The following ADAMTS3 variants were observed in gnomAD, a reference collection of about 807,000 sequenced individuals.
ADAMTS3 encodes the protein A disintegrin and metalloproteinase with thrombospondin motifs 3.
In ADAMTS3, 73 loss-of-function variants were observed where a neutral mutation model predicts 129.0. The ratio of observed to expected loss-of-function variants is 0.57; its 90% CI spans 0.47 to 0.69. The LOEUF (loss-of-function observed/expected upper bound fraction) is 0.69, where lower values mean the gene tolerates loss of function less well. Ranked by LOEUF, ADAMTS3 falls within the 30% of genes least tolerant of loss-of-function variation. The pLI, the probability that ADAMTS3 is intolerant of heterozygous loss-of-function variation, is 0.00. For synonymous variants in ADAMTS3, 477 were observed against 510.8 expected (o/e 0.93, Z 0.89); for missense variants, 1,457 against 1,514.5 (o/e 0.96, Z 0.63).
intron 3 of ADAMTS3, among the ~76,000 whole-genome samples, chr4:72,510,847 G>A (rs62320596): frequency 0.33 from 45,072 of 135,184 alleles, 8,202 homozygotes; most frequent in South Asian, 0.55. Flanking sequence ...AAAAAAAACT[G>A]GAGGAATCAC....
At chr4:72,292,325 A>G (rs986847453) in intron 19 of ADAMTS3, among the ~76,000 whole-genome samples, 2 of 152,168 alleles carry the variant, frequency 1.3e-5, no homozygotes, top group Non-Finnish European at 2.9e-5. Flanking sequence ...ATGTTTAAAT[A>G]TTTTAACTGA....
intron 3 of ADAMTS3, among the ~76,000 whole-genome samples, chr4:72,499,248 A>G (rs184446904): frequency 4.4e-4 from 67 of 152,322 alleles, no homozygotes; most frequent in African/African-American, 1.4e-3. Flanking sequence ...AAGTATAATA[A>G]GAATCTATGT....
In ADAMTS3 at chr4:72,548,732, T is replaced by C. The variant is rs764619342; in HGVS notation, c.250A>G (p.Ile84Val). The change falls in exon 3 of 22, where the codon ATC becomes GTC. Residue 84 changes from isoleucine (I) to valine (V), a missense_variant. Transcript: ENST00000286657. ...SSNPEQLFFN[I>V]TAFGKDFHLR... Reference sequence around the variant, plus strand: ...TGAAAATCTTTTCCAAATGCCGTGATGTTAAAGAACAACTGCTCAGGGTTG... The same window carrying C: ...TGAAAATCTTTTCCAAATGCCGTGACGTTAAAGAACAACTGCTCAGGGTTG... The C allele has an allele frequency of 2.5e-6, 4 of 1,614,050 alleles. No homozygotes were observed. The highest frequency in any genetic ancestry group is 1.1e-5 in the South Asian group (1 of 91,086).
chr4:72,451,024 C>T (rs1464938392), intron 3 of ADAMTS3, among the ~76,000 whole-genome samples: 1 of 91,110 alleles, frequency 1.1e-5, no homozygotes, highest in Non-Finnish European at 2.4e-5. Flanking sequence ...GAGAAATTTG[C>T]AACAGATAAG....
chr4:72,427,191 A>G lies in ADAMTS3; in HGVS notation c.505-12220T>C, dbSNP rs1385252815. ...TTCAACCTAACTTCTCACACATGCC[A>G]GTTCCACTCTTTCTCAACACCCCTT... On this transcript the variant is annotated intron_variant, in intron 3 of 21. Coordinates refer to ENST00000286657, the MANE Select transcript of ADAMTS3 (RefSeq NM_014243.3). 2.0e-5 allele frequency among the ~76,000 whole-genome samples: 3 copies of G among 152,198 alleles called. No individual in the cohort carries two copies. The South Asian group carries it at 6.2e-4, about 31-fold the overall frequency.
intron 3 of ADAMTS3, among the ~76,000 whole-genome samples, chr4:72,451,839 G>A (rs751942538): frequency 1.3e-5 from 2 of 151,794 alleles, no homozygotes; most frequent in Non-Finnish European, 2.9e-5. Flanking sequence ...GCTCACGCCT[G>A]TAATTCCAAC....
At chr4:72,356,716 C>A (rs1186907619) in intron 4 of ADAMTS3, among the ~76,000 whole-genome samples, 1 of 151,546 alleles carries the variant, frequency 6.6e-6, no homozygotes, top group Non-Finnish European at 1.5e-5. Context: ...AAAACCAATA[C>A]ACAAAATTAC....
chr4:72,457,264 A>G (rs186578975), intron 3 of ADAMTS3, among the ~76,000 whole-genome samples: 1 of 151,882 alleles, frequency 6.6e-6, no homozygotes, highest in Admixed American at 6.6e-5. Flanking sequence ...ACAAAAATTA[A>G]AGATAAACCA....
chr4:72,563,572 T>C (rs1346730920), intron 2 of ADAMTS3, among the ~76,000 whole-genome samples: 1 of 152,174 alleles, frequency 6.6e-6, no homozygotes, highest in Non-Finnish European at 1.5e-5. Flanking sequence ...CAAATACTTA[T>C]TGAGTACAAA....
Position 72,368,542 on chromosome 4 carries a change from G to A in ADAMTS3, c.662-28849C>T, listed in dbSNP as rs147709117. Among the ~76,000 whole-genome samples, 219 of 152,278 alleles carry A rather than the reference G, an allele frequency of 1.4e-3. 1 individual carries two copies. Among genetic ancestry groups the A allele is most frequent in the African/African-American group, 4.9e-3 (202 of 41,556 alleles). On this transcript the variant is annotated intron_variant, in intron 4 of 21. Transcript: ENST00000286657. The stretch of plus-strand genomic sequence containing the variant: ...AACATGGCTTCCCAATTCTTCTAAT[G>A]TTGGGATGATCTGAAATAAATATTT...
chr4:72,496,021 A>C (rs542603405), intron 3 of ADAMTS3, among the ~76,000 whole-genome samples: 59 of 152,310 alleles, frequency 3.9e-4, no homozygotes, highest in Non-Finnish European at 7.1e-4. Context: ...AAATGACTAT[A>C]ATGGGAGAGC....
At chr4:72,397,287 CG>C (rs1467791027) in intron 4 of ADAMTS3, among the ~76,000 whole-genome samples, 28 of 151,836 alleles carry the variant, frequency 1.8e-4, no homozygotes, top group African/African-American at 6.3e-4. Flanking sequence ...GTATATCAGC[CG>C]GGCGCAGTGG....
intron 3 of ADAMTS3, among the ~76,000 whole-genome samples, chr4:72,438,156 G>A (rs1718014915): frequency 1.3e-5 from 2 of 151,656 alleles, no homozygotes; most frequent in South Asian, 4.1e-4. Context: ...GGTAATAGTA[G>A]GAAGATAAGG....
intron 3 of ADAMTS3, among the ~76,000 whole-genome samples, chr4:72,520,970 A>G (rs900216718): frequency 4.0e-5 from 6 of 150,568 alleles, no homozygotes; most frequent in Non-Finnish European, 8.9e-5. Context: ...CGCTGTTCCT[A>G]TTCGGCCATC....
chr4:72,394,271 A>AG (rs1026401204), intron 4 of ADAMTS3, among the ~76,000 whole-genome samples: 1 of 3,720 alleles, frequency 2.7e-4, no homozygotes, highest in African/African-American at 3.0e-4. Flanking sequence ...AACAGAGAGG[A>AG]AAAAAAAAAC....
chr4:72,311,261 A>G (rs1269263791), intron 13 of ADAMTS3, 80 bp from the exon 14 acceptor site: 2 of 1,265,880 alleles, frequency 1.6e-6, no homozygotes, highest in East Asian at 2.6e-5. Context: ...ATTTTTAAAT[A>G]TAAGGTTTCA....
intron 4 of ADAMTS3, among the ~76,000 whole-genome samples, chr4:72,368,264 G>A (rs183550875): frequency 2.9e-4 from 44 of 152,206 alleles, no homozygotes; most frequent in South Asian, 4.1e-4. Context: ...ATTAGTTTTC[G>A]AAGTGTGGTT....
intron 10 of ADAMTS3, 107 bp downstream of exon 10, chr4:72,318,465 G>A: frequency 2.5e-6 from 3 of 1,185,288 alleles, no homozygotes; most frequent in Non-Finnish European, 3.6e-6. Flanking sequence ...CAAAATAACT[G>A]CTAGATATTA....
chr4:72,284,791 G>C (rs2109763360), intron 21 of ADAMTS3, among the ~76,000 whole-genome samples: 1 of 152,134 alleles, frequency 6.6e-6, no homozygotes, highest in East Asian at 1.9e-4. Context: ...AAATTTTATT[G>C]ATTCCAGGTT....
Sources: allele counts gnomAD v4.1 joint callset (sites outside exome capture counted in the v4.1 genomes callset), GRCh38; gene constraint gnomAD v4.1.1; transcripts MANE v1.5; gene names NCBI Gene and HGNC (gene_info 2026-07-23, HGNC 2026-07-21).